The following SNX5 variants were observed in gnomAD, a reference collection of about 807,000 sequenced individuals.
SNX5 encodes sorting nexin-5.
Under a neutral mutation model 53.9 loss-of-function variants are expected in SNX5, and 31 were observed. That is an observed-to-expected ratio of 0.58 (90% confidence interval 0.43 to 0.78). The LOEUF (loss-of-function observed/expected upper bound fraction) is 0.78. SNX5 is among the 30% of genes least tolerant of loss of function. SNX5 has a pLI of 0.00. For missense variants in SNX5, 471 were observed against 478.8 expected, an observed-to-expected ratio of 0.98 and a Z score of 0.15; for synonymous variants, 168 against 171.1, an observed-to-expected ratio of 0.98 and a Z score of 0.14.
Position 17,948,977 on chromosome 20 carries a change from CTAT to C in SNX5, c.832-4_832-2del, listed in dbSNP as rs908350524. On this transcript the variant is annotated splice_acceptor_variant and splice_polypyrimidine_tract_variant and intron_variant, in intron 9 of 12. Transcript: ENST00000377759. LOFTEE classifies it high-confidence loss of function. ...CTGATGAAACTCGACCCTCTACTTT[CTAT>C]ATAGAAAAGGAAAGGTCACCATCAA... 6.2e-7 allele frequency: 1 copy of C among 1,612,440 alleles called. No homozygotes were observed. The highest frequency in any genetic ancestry group is 1.3e-5 in the African/African-American group (1 of 74,944).
chr20:17,948,641 A>G (rs1227222016), intron 10 of SNX5, among the ~76,000 whole-genome samples: 1 of 152,190 alleles, frequency 6.6e-6, no homozygotes, highest in African/African-American at 2.4e-5. Context: ...TTTGCCCCAG[A>G]AACAGCCCTT....
At chr20:17,957,970 GA>G (rs1568594922) in intron 1 of SNX5, among the ~76,000 whole-genome samples, 1 of 112,202 alleles carries the variant, frequency 8.9e-6, no homozygotes, top group African/African-American at 3.3e-5. Flanking sequence ...AAATTGAGAG[GA>G]AAAAAACTAC....
chr20:17,950,387 C>G lies in SNX5; in HGVS notation c.619G>C (p.Asp207His), dbSNP rs536752229. Residue 207 changes from aspartate (D) to histidine (H), a missense_variant, in exon 7 of 13, where the codon GAC becomes CAC. Coordinates refer to ENST00000377759, the MANE Select transcript of SNX5 (RefSeq NM_014426.4). ...VLFTGVKEVD[D>H]FFEQEKNFLI... ...AAGTTCTTCTCTTGCTCAAAGAAGT[C>G]ATCTACCTCCTAGAAGGAAGAAAAA... The G allele has an allele frequency of 3.1e-6, 5 of 1,592,482 alleles. No individual in the cohort carries two copies. Among genetic ancestry groups the G allele is most frequent in the Non-Finnish European group, 3.4e-6 (4 of 1,161,168 alleles).
rs530067358 is a variant in SNX5 at position 17,954,007 on chromosome 20, T to C, written c.378A>G (p.Gln126=). The C allele has an allele frequency of 3.1e-6, 5 of 1,613,846 alleles. No individual in the cohort carries two copies. In the East Asian group the frequency reaches 6.7e-5, roughly 22 times the overall value. Residue 126 remains glutamine, a synonymous_variant, in exon 4 of 13, where the codon CAA becomes CAG. Transcript: ENST00000377759. ...GAAAATCCACTTACGCTTCCAGTTC[T>C]TGTTTCATCTTGGCAAATTCTTCTT... ...MTKEEFAKMK[Q]ELEAEYLAVF... is the part of the protein sequence containing the mutation.
chr20:17,953,467 T>C (rs929988464), intron 4 of SNX5, among the ~76,000 whole-genome samples: 2 of 152,258 alleles, frequency 1.3e-5, no homozygotes, highest in Admixed American at 1.3e-4. Flanking sequence ...TGATGGTTAC[T>C]GAGAATGCTA....
chr20:17,956,168 A>G (rs962696371), intron 2 of SNX5, among the ~76,000 whole-genome samples: 1 of 152,082 alleles, frequency 6.6e-6, no homozygotes, highest in Admixed American at 6.6e-5. Flanking sequence ...TCTTAGCTGT[A>G]ACTTACTATG....
At chr20:17,962,155 G>T in intron 1 of SNX5, 1 of 184,584 alleles carries the variant, frequency 5.4e-6, no homozygotes, top group Non-Finnish European at 1.0e-5. Context: ...TGGTGTGTGA[G>T]AAACAACTGG....
At position 17,965,444 on chromosome 20, in the gene SNX5, G is replaced by A. The variant is rs534367687; in HGVS notation, c.51+2931C>T. Among the ~76,000 whole-genome samples, 11 of 152,290 alleles carry A rather than the reference G, an allele frequency of 7.2e-5. 1 individual carries two copies. The highest frequency in any genetic ancestry group is 2.6e-4 in the African/African-American group (11 of 41,550). On this transcript the variant is annotated intron_variant, in intron 1 of 12. Transcript: ENST00000377759. Reference sequence around the variant, plus strand: ...TAGAAAACTTAACAGCCTTGGCCAAGCACAATGGCTCATGCCTGTAATCCC... The same window carrying A: ...TAGAAAACTTAACAGCCTTGGCCAAACACAATGGCTCATGCCTGTAATCCC...
intron 1 of SNX5, chr20:17,961,676 G>C: frequency 3.0e-6 from 3 of 984,632 alleles, no homozygotes; most frequent in Non-Finnish European, 3.6e-6. Flanking sequence ...CAGAAGATAT[G>C]TACTTAAGCA....
intron 2 of SNX5, 140 bp from the exon 3 acceptor site, chr20:17,955,615 T>C: frequency 1.7e-6 from 1 of 595,762 alleles, no homozygotes; most frequent in Admixed American, 3.0e-5. Context: ...ATACATGATC[T>C]CCTGTCATGA....
In SNX5 at chr20:17,949,055, A is replaced by G. The variant is rs1190096481; in HGVS notation, c.831+9T>C. The G allele has an allele frequency of 6.2e-7, 1 of 1,612,174 alleles. No individual in the cohort carries two copies. The highest frequency in any genetic ancestry group is 2.2e-5 in the East Asian group (1 of 44,864). ...TATATATTATGAAGACCAACACAGA[A>G]ATCCTTACCCTTAGTTTTTCAAATA... On this transcript the variant is annotated intron_variant, in intron 9 of 12. Coordinates refer to ENST00000377759, the MANE Select transcript of SNX5 (RefSeq NM_014426.4).
intron 12 of SNX5, 119 bp downstream of exon 12, chr20:17,942,991 T>C: frequency 1.4e-6 from 1 of 701,284 alleles, no homozygotes; most frequent in Non-Finnish European, 2.6e-6. Flanking sequence ...AACTAAGTAC[T>C]ACAGACGATT....
intron 5 of SNX5, 39 bp downstream of exon 5, chr20:17,952,548 T>C (rs2039585201): frequency 6.3e-7 from 1 of 1,593,842 alleles, no homozygotes; most frequent in African/African-American, 1.3e-5. Flanking sequence ...AGTATAAACA[T>C]TTGAAGTGGA....
chr20:17,943,300 G>A (rs1600329153), intron 11 of SNX5, 105 bp from the exon 12 acceptor site: 1 of 764,270 alleles, frequency 1.3e-6, no homozygotes, highest in Admixed American at 1.9e-5. Flanking sequence ...AATGCTTTCA[G>A]GCACCAGCAT....
chr20:17,951,535 TCAC>T lies in SNX5; in HGVS notation c.571_573del (p.Val191del), dbSNP rs766077215. The T allele has an allele frequency of 5.6e-6, 9 of 1,612,218 alleles. 1 individual carries two copies. The African/African-American group carries it at 1.2e-4, about 22-fold the overall frequency. ...GTAAAAAGGACTTCATCAGCACTTT[TCAC>T]CACACTTTTGAAGAAGCCACCAAAC... is the stretch of plus-strand genomic sequence containing the variant. On this transcript the variant is annotated inframe_deletion, in exon 6 of 13. Coordinates refer to ENST00000377759, the MANE Select transcript of SNX5 (RefSeq NM_014426.4).
intron 11 of SNX5, 89 bp downstream of exon 11, chr20:17,947,397 A>G (rs183915280): frequency 7.1e-7 from 1 of 1,399,880 alleles, no homozygotes; most frequent in Admixed American, 1.9e-5. Flanking sequence ...TGAAGGATAC[A>G]TGGGTGTTTT....
intron 1 of SNX5, chr20:17,961,987 A>C (rs2035460442): frequency 1.0e-6 from 1 of 976,584 alleles, no homozygotes; most frequent in Admixed American, 6.2e-5. Flanking sequence ...AAAGATTCAC[A>C]TGATACATAT....
intron 4 of SNX5, 108 bp downstream of exon 4, chr20:17,953,888 A>G (rs1279553860): frequency 1.1e-6 from 1 of 907,106 alleles, no homozygotes; most frequent in Non-Finnish European, 1.7e-6. Context: ...ACCTAATTAA[A>G]CAGCTGCACT....
rs1456539681 is a variant in SNX5, at chr20:17,943,173, C to G, written c.1101G>C (p.Lys367Asn). 1 of 1,609,540 alleles carries G rather than the reference C, an allele frequency of 6.2e-7. No homozygotes were observed. The highest frequency in any genetic ancestry group is 8.5e-7 in the Non-Finnish European group (1 of 1,175,906). ...AKEELINFKR[K>N]RVAAFRKNLI... ...GATTCTTTCTAAATGCTGCCACTCT[C>G]TTCCGTTTGAAATTTATCAGTTCTA... is the stretch of plus-strand genomic sequence containing the variant. The change falls in exon 12 of 13, where the codon AAG (lysine) becomes AAC (asparagine). Residue 367 changes from lysine (K) to asparagine (N), a missense_variant. Physicochemically the swap from Lys to Asn is moderately conservative, Grantham distance 94. Coordinates refer to ENST00000377759, the MANE Select transcript of SNX5 (RefSeq NM_014426.4).
Sources: gnomAD v4.1 joint callset for allele counts (sites outside exome capture counted in the v4.1 genomes callset) on GRCh38, gnomAD v4.1.1 for gene constraint, MANE v1.5 for transcripts, NCBI Gene and HGNC (gene_info 2026-07-23, HGNC 2026-07-21) for gene names.